SYNE1: variants seen among roughly 807,000 people sequenced by gnomAD.
SYNE1 encodes spectrin repeat containing nuclear envelope protein 1.
Under a neutral mutation model 1,111.0 loss-of-function variants are expected in SYNE1, and 616 were observed. The ratio of observed to expected loss-of-function variants is 0.55; its 90% CI spans 0.52 to 0.59. The LOEUF (loss-of-function observed/expected upper bound fraction) is 0.59, where lower values mean the gene tolerates loss of function less well. Ranked by LOEUF, SYNE1 falls within the 20% of genes least tolerant of loss-of-function variation. The pLI is 0.00. For synonymous variants in SYNE1, 3,855 were observed against 3,825.8 expected, an observed-to-expected ratio of 1.01 and a Z score of -0.28; for missense variants, 10,006 against 10,417.0, an observed-to-expected ratio of 0.96 and a Z score of 1.72.
At chr6:152,441,065 G>C (rs2098525384) in intron 32 of SYNE1, 65 bp downstream of exon 32, 1 of 1,579,458 alleles carries the variant, frequency 6.3e-7, no homozygotes, top group East Asian at 2.2e-5. Context: ...TAATGGAGGA[G>C]AAATCATTTT....
Position 152,462,773 on chromosome 6 carries a change from A to G in SYNE1, c.2215T>C (p.Phe739Leu), listed in dbSNP as rs1439886485. The change falls in exon 20 of 146, where the codon TTT becomes CTT. Residue 739 changes from phenylalanine (F) to leucine (L), a missense_variant. Phe to Leu is a conservative substitution (Grantham distance 22, BLOSUM62 0). Coordinates refer to ENST00000367255, the MANE Select transcript of SYNE1 (RefSeq NM_182961.4). ...KKLSEPLEVS[F>L]MNVKLLIQDL... ...TGAATTAATAGCTTGACATTCATAA[A>G]AGAGACTTCTAAGGGTTCAGAAAGT... 1 of 1,614,046 alleles carries G rather than the reference A, an allele frequency of 6.2e-7. No individual in the cohort carries two copies. The highest frequency in any genetic ancestry group is 1.1e-5 in the South Asian group (1 of 91,074).
In SYNE1 at chr6:152,390,336, T is replaced by G. The variant is rs757539486; in HGVS notation, c.8121A>C (p.Leu2707Phe). 1.9e-6 allele frequency: 3 copies of G among 1,614,156 alleles called. No individual in the cohort carries two copies. In the East Asian group the frequency reaches 6.7e-5, roughly 36 times the overall value. Residue 2707 changes from leucine to phenylalanine, a missense_variant, in exon 53 of 146, where the codon TTA becomes TTC. This residue lies in a region of SYNE1 where 4,955 missense variants were observed against 5,017.2 expected (regional missense o/e 0.99). Transcript: ENST00000367255. ...KEGQRVIQTQ[L>F]ETLKEVWADI... ...CAGCCCACACTTCTTTAAGGGTCTC[T>G]AACTGAGTCTGAATCACCCTCTGAC...
Position 152,236,154 on chromosome 6 carries a change from C to T in SYNE1, c.20349G>A (p.Met6783Ile). Residue 6783 changes from methionine (M) to isoleucine (I), a missense_variant, in exon 110 of 146, where the codon ATG becomes ATA. Met to Ile is a conservative substitution (Grantham distance 10). Around this residue, in one of 7 missense-constraint regions of SYNE1, gnomAD observed 2,182 missense variants for 2,287.8 expected, o/e 0.95. Coordinates refer to ENST00000367255, the MANE Select transcript of SYNE1 (RefSeq NM_182961.4). ...TTTCCAGTCTGTGAAGTTCCTTAGA[C>T]ATTTTATTGGTGTTACTTAGCCAGC... The part of the protein sequence containing the change: ...GECWLSNTNK[M>I]SKELHRLETI... 6.2e-7 allele frequency: 1 copy of T among 1,614,170 alleles called. No homozygotes were observed. Among genetic ancestry groups the T allele is most frequent in the African/African-American group, 1.3e-5 (1 of 75,056 alleles).
chr6:152,263,621 A>C (rs1290313345), intron 100 of SYNE1, among the ~76,000 whole-genome samples: 2 of 150,914 alleles, frequency 1.3e-5, no homozygotes, highest in South Asian at 4.2e-4. Context: ...CTGGTCTGGA[A>C]CTCCTGAACT....
At chr6:152,516,977 C>T (rs1594484860) in intron 6 of SYNE1, among the ~76,000 whole-genome samples, 1 of 152,116 alleles carries the variant, frequency 6.6e-6, no homozygotes, top group East Asian at 1.9e-4. Flanking sequence ...AGAAACCCTT[C>T]AATAAGAAAG....
At chr6:152,431,639 CAA>C (rs2098430229) in intron 34 of SYNE1, among the ~76,000 whole-genome samples, 1 of 152,022 alleles carries the variant, frequency 6.6e-6, no homozygotes, top group Admixed American at 6.6e-5. Flanking sequence ...AAAATTCAGC[CAA>C]GTCTCTGTTT....
intron 74 of SYNE1, among the ~76,000 whole-genome samples, chr6:152,343,583 C>T (rs933006719): frequency 2.7e-5 from 4 of 150,916 alleles, no homozygotes; most frequent in Admixed American, 6.6e-5. Context: ...AGCTGGAGTG[C>T]AGTGGCATGA....
At chr6:152,358,033 G>A (rs533532373) in intron 66 of SYNE1, among the ~76,000 whole-genome samples, 19 of 152,286 alleles carry the variant, frequency 1.2e-4, no homozygotes, top group South Asian at 4.1e-4. Context: ...GACTTCTGCC[G>A]CTGTCCCCCA....
chr6:152,230,735 T>G, intron 114 of SYNE1, 33 bp from the exon 115 acceptor site: 1 of 1,608,018 alleles, frequency 6.2e-7, no homozygotes, highest in South Asian at 1.1e-5. Context: ...AATTTGCAAC[T>G]TTATTTTAAT....
At chr6:152,202,775 T>TA (rs915978437) in intron 126 of SYNE1, among the ~76,000 whole-genome samples, 13 of 148,796 alleles carry the variant, frequency 8.7e-5, no homozygotes, top group African/African-American at 9.8e-5. Flanking sequence ...ATAAGGGATT[T>TA]AAAAAAAAAA....
intron 3 of SYNE1, among the ~76,000 whole-genome samples, chr6:152,581,247 T>A (rs2099518260): frequency 6.6e-6 from 1 of 152,126 alleles, no homozygotes. Flanking sequence ...TTTGCACAGG[T>A]AAGAGGGGAT....
At chr6:152,526,246 C>T in intron 4 of SYNE1, 71 bp from the exon 5 acceptor site, 1 of 1,477,078 alleles carries the variant, frequency 6.8e-7, no homozygotes. Context: ...CTCTCTCTCA[C>T]CTTTGTTACT....
At chr6:152,438,704 C>T (rs988419216) in intron 32 of SYNE1, among the ~76,000 whole-genome samples, 2 of 152,184 alleles carry the variant, frequency 1.3e-5, no homozygotes, top group Non-Finnish European at 2.9e-5. Flanking sequence ...CCCTCTATCA[C>T]ACACACCAGT....
intron 33 of SYNE1, chr6:152,434,171 G>C: frequency 3.7e-6 from 2 of 545,822 alleles, no homozygotes; most frequent in South Asian, 2.2e-5. Flanking sequence ...TCTACACTTT[G>C]AGTGAAACTG....
chr6:152,349,004 T>G (rs1339383445), intron 72 of SYNE1, among the ~76,000 whole-genome samples: 1 of 152,246 alleles, frequency 6.6e-6, no homozygotes, highest in African/African-American at 2.4e-5. Context: ...ATCTCCTCAG[T>G]GCCTACCAGA....
At chr6:152,427,929 A>T (rs1464191495) in intron 37 of SYNE1, 113 bp from the exon 38 acceptor site, 53 of 1,473,156 alleles carry the variant, frequency 3.6e-5, no homozygotes, top group Non-Finnish European at 4.6e-5. Context: ...AGCCTCAGTT[A>T]TCTCAGTCTT....
chr6:152,326,174 T>C lies in SYNE1; in HGVS notation c.15294-72A>G, dbSNP rs765210145. ...TTTCTACACGAAGCTCTGGTGTCAG[T>C]ATGTCTAATGATACTCAGGGAAAAA... On this transcript the variant is annotated intron_variant, in intron 79 of 145. Coordinates refer to ENST00000367255, the MANE Select transcript of SYNE1 (RefSeq NM_182961.4). 5.7e-5 allele frequency: 92 copies of C among 1,612,734 alleles called. No homozygotes were observed. The Middle Eastern group carries it at 6.6e-4, about 12-fold the overall frequency.
intron 95 of SYNE1, among the ~76,000 whole-genome samples, chr6:152,287,852 T>C (rs2094414451): frequency 6.6e-6 from 1 of 152,196 alleles, no homozygotes; most frequent in Non-Finnish European, 1.5e-5. Flanking sequence ...CAGCCTGCAG[T>C]ATACTTTAGA....
chr6:152,474,029 C>CA (rs1368398540), intron 14 of SYNE1, among the ~76,000 whole-genome samples: 4 of 151,828 alleles, frequency 2.6e-5, no homozygotes, highest in Non-Finnish European at 4.4e-5. Flanking sequence ...ACTAAAGATA[C>CA]AAAAAATTAG....
Sources: allele counts gnomAD v4.1 joint callset (sites outside exome capture counted in the v4.1 genomes callset), GRCh38; gene constraint gnomAD v4.1.1; regional missense constraint gnomAD v4.1.1; transcripts MANE v1.5; gene names NCBI Gene and HGNC (gene_info 2026-07-23, HGNC 2026-07-21).